TGFB2: variants seen among roughly 807,000 people sequenced by gnomAD.
TGFB2 encodes the protein transforming growth factor beta-2 proprotein.
A neutral mutation model predicts 42.7 loss-of-function variants in TGFB2; 13 were observed. The observed-to-expected ratio is 0.30, with a 90% CI of 0.20 to 0.48. The LOEUF (loss-of-function observed/expected upper bound fraction) is 0.48. Ranked by LOEUF, TGFB2 falls within the 20% of genes least tolerant of loss-of-function variation. The probability of loss-of-function intolerance (pLI) is 0.99; values close to 1 mark genes in which losing one functional copy is unlikely to be tolerated. For missense variants in TGFB2, 390 were observed against 517.5 expected, an observed-to-expected ratio of 0.75 and a Z score of 2.39; for synonymous variants, 193 against 193.6, an observed-to-expected ratio of 1.00 and a Z score of 0.03.
chr1:218,382,664 C>T (rs1460600516), intron 1 of TGFB2, among the ~76,000 whole-genome samples: 1 of 152,080 alleles, frequency 6.6e-6, no homozygotes, highest in Non-Finnish European at 1.5e-5. Context: ...GACATTTGGA[C>T]ACATAGGAAC....
chr1:218,427,923 T>G (rs1468983156), intron 2 of TGFB2, among the ~76,000 whole-genome samples: 1 of 152,212 alleles, frequency 6.6e-6, no homozygotes. Flanking sequence ...TCTTCCACAA[T>G]GGTTGAACTA....
intron 1 of TGFB2, among the ~76,000 whole-genome samples, chr1:218,353,080 C>T (rs1332422683): frequency 1.3e-5 from 2 of 152,046 alleles, no homozygotes; most frequent in East Asian, 3.9e-4. Context: ...TTATGTGCCA[C>T]TAAGAAAAAA....
At chr1:218,387,194 G>A (rs1440172398) in intron 1 of TGFB2, among the ~76,000 whole-genome samples, 3 of 147,756 alleles carry the variant, frequency 2.0e-5, no homozygotes, top group Non-Finnish European at 4.5e-5. Flanking sequence ...GATTGGAAGT[G>A]ATGTGGTGCA....
intron 1 of TGFB2, among the ~76,000 whole-genome samples, chr1:218,389,140 G>A (rs1658234692): frequency 6.6e-6 from 1 of 152,202 alleles, no homozygotes; most frequent in African/African-American, 2.4e-5. Flanking sequence ...GGCTTACAGG[G>A]TTATCAGGCT....
At chr1:218,375,355 T>C (rs1289587831) in intron 1 of TGFB2, among the ~76,000 whole-genome samples, 2 of 151,206 alleles carry the variant, frequency 1.3e-5, no homozygotes, top group Non-Finnish European at 2.9e-5. Flanking sequence ...ACAGGGGACC[T>C]GGGTAAAATC....
Position 218,443,713 on chromosome 1 carries a change from T to G in TGFB2, c.*2351T>G, listed in dbSNP as rs1418696683. On this transcript the variant is annotated 3_prime_UTR_variant, in exon 7 of 7. Coordinates refer to ENST00000366930, the MANE Select transcript of TGFB2 (RefSeq NM_003238.6). ...ATTTTAAGATCTCTTGAATCTGTTT[T>G]TTTTTTTTTTAATTTGGGGGTTCTG... 6.8e-6 allele frequency: 1 copy of G among 146,582 alleles called. No homozygotes were observed. Among genetic ancestry groups the G allele is most frequent in the African/African-American group, 2.5e-5 (1 of 40,734 alleles). The allele number at this position is 146,582 out of a possible 1,614,324, so 9.1% of individuals were successfully genotyped here.
intron 1 of TGFB2, chr1:218,363,426 A>T (rs1242439483): frequency 6.2e-7 from 1 of 1,611,456 alleles, no homozygotes; most frequent in Admixed American, 1.7e-5. Flanking sequence ...TGGTGAGTAC[A>T]CTTGTCTGCT....
At chr1:218,433,091 G>A (rs1298171831) in intron 2 of TGFB2, among the ~76,000 whole-genome samples, 1 of 151,744 alleles carries the variant, frequency 6.6e-6, no homozygotes, top group Non-Finnish European at 1.5e-5. Context: ...GTTTTTGAGA[G>A]GCAATCCCAC....
chr1:218,433,991 G>A, intron 2 of TGFB2, 91 bp from the exon 3 acceptor site: 1 of 1,525,104 alleles, frequency 6.6e-7, no homozygotes. Flanking sequence ...CTAAATTTAG[G>A]TAATGAATTA....
intron 1 of TGFB2, among the ~76,000 whole-genome samples, chr1:218,365,598 T>A (rs936389126): frequency 6.6e-6 from 1 of 151,386 alleles, no homozygotes. Flanking sequence ...GCTCGCAGGC[T>A]CTGGAAAAAC....
intron 1 of TGFB2, among the ~76,000 whole-genome samples, chr1:218,379,097 C>T (rs893532551): frequency 1.3e-5 from 2 of 151,352 alleles, no homozygotes; most frequent in Non-Finnish European, 2.9e-5. Context: ...AAAAGCAGAC[C>T]GAGAACACAT....
chr1:218,420,007 G>T (rs962459883), intron 2 of TGFB2, among the ~76,000 whole-genome samples: 4 of 152,154 alleles, frequency 2.6e-5, no homozygotes, highest in African/African-American at 9.7e-5. Flanking sequence ...TATAGTACAG[G>T]CCACATATGT....
intron 2 of TGFB2, among the ~76,000 whole-genome samples, chr1:218,421,904 C>G (rs988147022): frequency 3.3e-5 from 5 of 152,086 alleles, no homozygotes; most frequent in Admixed American, 1.3e-4. Flanking sequence ...CAAAAATTGC[C>G]AGCAAACCAC....
chr1:218,365,118 C>T (rs11118088), intron 1 of TGFB2, among the ~76,000 whole-genome samples: 3,255 of 152,170 alleles, frequency 0.021, 72 homozygotes, highest in East Asian at 0.084. Context: ...TTTAGGAAAT[C>T]GTGGTTTGGA....
chr1:218,435,884 G>T, intron 4 of TGFB2, 86 bp from the exon 5 acceptor site: 1 of 1,370,828 alleles, frequency 7.3e-7, no homozygotes, highest in South Asian at 1.4e-5. Context: ...TGCTATTTGT[G>T]ACAATATACA....
chr1:218,382,963 T>C (rs1658012844), intron 1 of TGFB2, among the ~76,000 whole-genome samples: 1 of 152,236 alleles, frequency 6.6e-6, no homozygotes, highest in African/African-American at 2.4e-5. Flanking sequence ...TCTCAAATTT[T>C]GAAAATAAAT....
At chr1:218,405,457 T>G in intron 2 of TGFB2, 125 bp downstream of exon 2, 2 of 1,528,368 alleles carry the variant, frequency 1.3e-6, no homozygotes, top group Non-Finnish European at 1.8e-6. Flanking sequence ...CTTGAACTCC[T>G]GGGTTCAAAC....
At chr1:218,400,221 A>G (rs1176717247) in intron 1 of TGFB2, among the ~76,000 whole-genome samples, 1 of 152,122 alleles carries the variant, frequency 6.6e-6, no homozygotes, top group Non-Finnish European at 1.5e-5. Flanking sequence ...CTTGTTCAAA[A>G]AAAAAAAGAA....
intron 2 of TGFB2, among the ~76,000 whole-genome samples, chr1:218,410,238 T>C (rs1160648739): frequency 1.3e-5 from 2 of 152,198 alleles, no homozygotes; most frequent in African/African-American, 4.8e-5. Flanking sequence ...AGAGTCACAA[T>C]ATGAGGCTGG....
Sources: gnomAD v4.1 joint callset for allele counts (sites outside exome capture counted in the v4.1 genomes callset) on GRCh38, gnomAD v4.1.1 for gene constraint, MANE v1.5 for transcripts, NCBI Gene and HGNC (gene_info 2026-07-23, HGNC 2026-07-21) for gene names.